The following TMEM232 variants were observed in gnomAD, a reference collection of about 807,000 sequenced individuals.
TMEM232 encodes transmembrane protein 232.
Under a neutral mutation model 78.8 loss-of-function variants are expected in TMEM232, and 80 were observed. That is an observed-to-expected ratio of 1.01 (90% CI 0.85 to 1.22). The LOEUF (loss-of-function observed/expected upper bound fraction) is 1.22. Ranked by LOEUF, TMEM232 falls within the 50% of genes most tolerant of loss-of-function variation. The pLI, the probability that TMEM232 is intolerant of heterozygous loss-of-function variation, is 0.00. For missense variants in TMEM232, 881 were observed against 742.2 expected (o/e 1.19, Z -2.17); for synonymous variants, 297 against 254.3 (o/e 1.17, Z -1.60).
chr5:110,624,333 TGTA>T (rs1312449674), intron 7 of TMEM232, among the ~76,000 whole-genome samples: 2 of 152,068 alleles, frequency 1.3e-5, no homozygotes, highest in Admixed American at 6.6e-5. Flanking sequence ...ATAACAACCC[TGTA>T]AAAGAGTTAG....
intron 1 of TMEM232, among the ~76,000 whole-genome samples, chr5:110,693,035 C>T (rs1047006672): frequency 2.6e-5 from 4 of 152,188 alleles, no homozygotes; most frequent in Non-Finnish European, 5.9e-5. Flanking sequence ...CCCGAGTAGC[C>T]TAACTGGGAA....
Position 110,508,908 on chromosome 5 carries a change from TTA to T in TMEM232, c.1703+19678_1703+19679del, listed in dbSNP as rs1361298642. On this transcript the variant is annotated intron_variant, in intron 12 of 13. Coordinates refer to ENST00000455884, the MANE Select transcript of TMEM232 (RefSeq NM_001039763.4). Reference sequence around the variant, plus strand: ...TGTGTATATATGTATATATATAAAATTATATATATGTATATATATAATTATAT... The same window carrying T: ...TGTGTATATATGTATATATATAAAATTATATATGTATATATATAATTATAT... Among the ~76,000 whole-genome samples the T allele has an allele frequency of 1.4e-4, 20 of 140,390 alleles. 1 individual carries two copies. The highest frequency in any genetic ancestry group is 3.1e-4 in the African/African-American group (12 of 38,586). The allele number at this position is 140,390 out of a possible 152,430, so 92.1% of individuals were successfully genotyped here. A position where few individuals can be genotyped will look rare whatever the true frequency, so the allele number is the denominator to read the frequency against.
chr5:110,627,011 T>A (rs753524239), intron 6 of TMEM232, among the ~76,000 whole-genome samples: 29 of 152,050 alleles, frequency 1.9e-4, no homozygotes, highest in Non-Finnish European at 8.8e-5. Flanking sequence ...CAATTCTATA[T>A]CCCAGGCAGG....
At chr5:110,710,338 T>C (rs1010202234) in intron 1 of TMEM232, among the ~76,000 whole-genome samples, 11 of 152,106 alleles carry the variant, frequency 7.2e-5, no homozygotes, top group African/African-American at 2.2e-4. Context: ...AGAATACCAC[T>C]GTACTCAAAC....
At chr5:110,408,046 A>G (rs1054687695) in intron 2 of TMEM232, among the ~76,000 whole-genome samples, 11 of 152,192 alleles carry the variant, frequency 7.2e-5, no homozygotes, top group African/African-American at 2.7e-4. Flanking sequence ...TGGAAATACA[A>G]CACACCAAAA....
chr5:110,473,293 AAAG>A (rs1258827637), intron 12 of TMEM232, among the ~76,000 whole-genome samples: 1 of 151,976 alleles, frequency 6.6e-6, no homozygotes, highest in Non-Finnish European at 1.5e-5. Context: ...ATATTTTTCA[AAAG>A]AAGACATACA....
At chr5:110,644,914 T>C (rs1188955728) in intron 2 of TMEM232, among the ~76,000 whole-genome samples, 2 of 151,344 alleles carry the variant, frequency 1.3e-5, no homozygotes, top group Non-Finnish European at 3.0e-5. Flanking sequence ...GAAAACATTA[T>C]AACAGATGCC....
At chr5:110,448,034 G>T (rs1397467482) in intron 12 of TMEM232, among the ~76,000 whole-genome samples, 2 of 151,926 alleles carry the variant, frequency 1.3e-5, no homozygotes, top group African/African-American at 4.8e-5. Flanking sequence ...ATATTGAAAT[G>T]ACTTACTATA....
intron 12 of TMEM232, among the ~76,000 whole-genome samples, chr5:110,498,675 A>G (rs1201858410): frequency 6.6e-6 from 1 of 152,190 alleles, no homozygotes; most frequent in Non-Finnish European, 1.5e-5. Flanking sequence ...GTCTTCCCAT[A>G]TGCAGAATGG....
intron 12 of TMEM232, among the ~76,000 whole-genome samples, chr5:110,444,100 T>C (rs1261614519): frequency 6.6e-6 from 1 of 152,052 alleles, no homozygotes; most frequent in Non-Finnish European, 1.5e-5. Flanking sequence ...GGTATCTCCT[T>C]AGGTCATGTG....
chr5:110,538,208 T>A (rs1369517540), intron 11 of TMEM232, among the ~76,000 whole-genome samples: 3 of 152,164 alleles, frequency 2.0e-5, no homozygotes, highest in Admixed American at 2.0e-4. Context: ...TTACAAAATA[T>A]ACTACTCTGG....
intron 3 of TMEM232, among the ~76,000 whole-genome samples, chr5:110,391,829 A>G (rs1365628623): frequency 6.6e-6 from 1 of 152,228 alleles, no homozygotes; most frequent in African/African-American, 2.4e-5. Flanking sequence ...AGAAGAATGA[A>G]AATTACTGAG....
chr5:110,482,013 TA>T lies in TMEM232; in HGVS notation c.1703+46574del, dbSNP rs34562477. ...CAGAAACTAAATATTCTAAACAAAC[TA>T]AAAATTTTTTTAATTAAAAGGTAAA... On this transcript the variant is annotated intron_variant, in intron 12 of 13. Transcript: ENST00000455884. Among the ~76,000 whole-genome samples the T allele has an allele frequency of 6.7e-4, 102 of 152,156 alleles. 2 individuals are homozygous for T. Among genetic ancestry groups the T allele is most frequent in the African/African-American group, 2.4e-3 (99 of 41,518 alleles).
chr5:110,400,801 C>T (rs756246481), intron 2 of TMEM232, among the ~76,000 whole-genome samples: 34 of 152,028 alleles, frequency 2.2e-4, no homozygotes, highest in Non-Finnish European at 3.8e-4. Context: ...TATTTTGGGG[C>T]GGGGGAACAT....
In TMEM232 at chr5:110,655,700, T is replaced by C. The variant is rs186429653; in HGVS notation, c.125+11528A>G. Among the ~76,000 whole-genome samples, 722 of 151,448 alleles carry C rather than the reference T, an allele frequency of 4.8e-3. 2 individuals carry two copies. The highest frequency in any genetic ancestry group is 0.01 in the Middle Eastern group (3 of 294). On this transcript the variant is annotated intron_variant, in intron 2 of 13. Coordinates refer to ENST00000455884, the MANE Select transcript of TMEM232 (RefSeq NM_001039763.4). ...GATTGGATTAAGAAAATGTGGCACA[T>C]ATACACCATGGAATACTATGCAGCC... is the stretch of plus-strand genomic sequence containing the variant.
At chr5:110,613,169 G>T (rs1782522784) in intron 8 of TMEM232, among the ~76,000 whole-genome samples, 1 of 152,054 alleles carries the variant, frequency 6.6e-6, no homozygotes, top group Admixed American at 6.6e-5. Flanking sequence ...TTCTGTGATT[G>T]CCTTCCTTGA....
intron 11 of TMEM232, among the ~76,000 whole-genome samples, chr5:110,551,697 G>A (rs749296369): frequency 2.6e-5 from 4 of 151,958 alleles, no homozygotes; most frequent in Admixed American, 6.6e-5. Flanking sequence ...GAACTACATC[G>A]GATTTATCTT....
intron 12 of TMEM232, among the ~76,000 whole-genome samples, chr5:110,485,164 C>T (rs1580877241): frequency 6.6e-6 from 1 of 152,272 alleles, no homozygotes; most frequent in South Asian, 2.1e-4. Context: ...AAAAAAGATA[C>T]TTGCACAAAT....
At chr5:110,409,026 T>C (rs1056283564) in intron 2 of TMEM232, among the ~76,000 whole-genome samples, 6 of 152,196 alleles carry the variant, frequency 3.9e-5, no homozygotes, top group African/African-American at 1.2e-4. Context: ...GATGGTGTTA[T>C]GCAACACTAT....
Sources: allele counts gnomAD v4.1 joint callset (sites outside exome capture counted in the v4.1 genomes callset), GRCh38; gene constraint gnomAD v4.1.1; transcripts MANE v1.5; gene names NCBI Gene and HGNC (gene_info 2026-07-23, HGNC 2026-07-21).